The following CSGALNACT1 variants were observed in gnomAD, a reference collection of about 807,000 sequenced individuals.
CSGALNACT1 encodes the protein chondroitin sulfate N-acetylgalactosaminyltransferase 1.
A neutral mutation model predicts 51.0 loss-of-function variants in CSGALNACT1; 52 were observed. That is an observed-to-expected ratio of 1.02 (90% CI 0.82 to 1.29). CSGALNACT1 has a LOEUF of 1.29. Among genes scored for constraint, CSGALNACT1 ranks in the 50% most tolerant of loss-of-function variants. The pLI is 0.00. For synonymous variants in CSGALNACT1, 341 were observed against 254.4 expected, an observed-to-expected ratio of 1.34 and a Z score of -3.24; for missense variants, 935 against 679.2, an observed-to-expected ratio of 1.38 and a Z score of -4.19.
At chr8:19,685,483 C>T (rs75385387), upstream of CSGALNACT1, among the ~76,000 whole-genome samples, 20,976 of 151,974 alleles carry the variant, frequency 0.14, 1,759 homozygotes, top group East Asian at 0.41. Context: ...AAGACCCTGC[C>T]CCAAAAACAA....
chr8:19,593,160 T>C lies in CSGALNACT1; in HGVS notation c.-415-1882A>G, dbSNP rs115918199. Reference sequence around the variant, plus strand: ...TGCACCACAGCTAAAGAATGTACGATATGTATCAGAAATACGTGGGCTTAA... The same window carrying C: ...TGCACCACAGCTAAAGAATGTACGACATGTATCAGAAATACGTGGGCTTAA... On this transcript the variant is annotated intron_variant, in intron 2 of 9. Transcript: ENST00000454498. Among the ~76,000 whole-genome samples, 472 of 152,332 alleles carry C rather than the reference T, an allele frequency of 3.1e-3. 2 individuals are homozygous for C. Among genetic ancestry groups the C allele is most frequent in the African/African-American group, 0.011 (455 of 41,576 alleles).
At chr8:19,440,057 G>A (rs569898148) in intron 5 of CSGALNACT1, 126 bp from the exon 5 acceptor site, 46 of 767,254 alleles carry the variant, frequency 6.0e-5, no homozygotes, top group East Asian at 5.8e-4. Flanking sequence ...CAGGAGAGCC[G>A]AGATGGGAAT....
intron 5 of CSGALNACT1, 30 bp from the exon 5 acceptor site, chr8:19,439,961 A>T: frequency 6.4e-7 from 1 of 1,558,110 alleles, no homozygotes; most frequent in Non-Finnish European, 8.9e-7. Flanking sequence ...CATGTCTGGC[A>T]CCTGTTTTCA....
At chr8:19,667,044 A>AAGGAAGGAAGG (rs1564386999) in intron 1 of CSGALNACT1, among the ~76,000 whole-genome samples, 74 of 56,972 alleles carry the variant, frequency 1.3e-3, no homozygotes, top group South Asian at 3.7e-3. Flanking sequence ...AGGAAGGAAG[A>AAGGAAGGAAGG]AAGAAAGAAA....
At position 19,660,446 on chromosome 8, in the gene CSGALNACT1, G is replaced by A. The variant is rs957105741; in HGVS notation, c.-544+22027C>T. ...AGTGGCAGAAATAAGACTCAACCCT[G>A]TAACCTCTCTGTAACACTATGGTGC... On this transcript the variant is annotated intron_variant, in intron 1 of 9. Transcript: ENST00000332246. 2.0e-5 allele frequency among the ~76,000 whole-genome samples: 3 copies of A among 152,142 alleles called. No individual in the cohort carries two copies. In the South Asian group the frequency reaches 6.2e-4, roughly 32 times the overall value.
rs555520921 is a variant in CSGALNACT1, at chr8:19,475,649, G to A, written c.635-17007C>T. Among the ~76,000 whole-genome samples, 8 of 152,266 alleles carry A rather than the reference G, an allele frequency of 5.3e-5. No individual in the cohort carries two copies. The South Asian group carries it at 1.7e-3, about 32-fold the overall frequency. On this transcript the variant is annotated intron_variant, in intron 4 of 9. Transcript: ENST00000454498. ...TAAGTAAAAAGTGGTTTCCTTTGAG[G>A]TGAAAAGCACACAAGCAAACAACTT... is the stretch of plus-strand genomic sequence containing the variant.
exon 10 of CSGALNACT1, chr8:19,404,430 A>G (rs1468286816): frequency 2.4e-5 from 11 of 453,178 alleles, no homozygotes; most frequent in Non-Finnish European, 4.4e-5. Flanking sequence ...AACTGTATTT[A>G]TTTTTAAAAA....
intron 1 of CSGALNACT1, among the ~76,000 whole-genome samples, chr8:19,735,634 G>A (rs1377232592): frequency 3.3e-5 from 5 of 152,008 alleles, no homozygotes; most frequent in Non-Finnish European, 7.4e-5. Flanking sequence ...AGACTATGAA[G>A]AACTATCAGA....
chr8:19,757,886 A>C lies in CSGALNACT1; in HGVS notation c.-333T>G, dbSNP rs2065490500. ...GGAACCCCTGTAACTCTCACACCGC[A>C]CCACTGTGGGTAAGCGATGTCTGCA... On this transcript the variant is annotated 5_prime_UTR_variant, in exon 1 of 2. Transcript: ENST00000517494. This position sits in a 1 kb window ranked among gnomAD's most constrained non-coding sequence, Gnocchi z 4.0. 6.6e-6 allele frequency: 1 copy of C among 152,374 alleles called. No homozygotes were observed. Among genetic ancestry groups the C allele is most frequent in the African/African-American group, 2.4e-5 (1 of 41,394 alleles). The allele number at this position is 152,374 out of a possible 1,614,324, so 9.4% of individuals were successfully genotyped here.
intron 1 of CSGALNACT1, among the ~76,000 whole-genome samples, chr8:19,640,078 T>C (rs1265115763): frequency 2.6e-5 from 4 of 151,944 alleles, no homozygotes; most frequent in Non-Finnish European, 5.9e-5. Flanking sequence ...CACCTGCTGA[T>C]GAGACCTTTC....
At chr8:19,418,219 A>G (rs2057268649) in intron 8 of CSGALNACT1, among the ~76,000 whole-genome samples, 1 of 152,180 alleles carries the variant, frequency 6.6e-6, no homozygotes, top group Non-Finnish European at 1.5e-5. Context: ...TCAAATTCAC[A>G]AAGACCTTAT....
chr8:19,476,813 A>G (rs2069794701), intron 4 of CSGALNACT1, among the ~76,000 whole-genome samples: 4 of 152,186 alleles, frequency 2.6e-5, no homozygotes, highest in Admixed American at 2.6e-4. Context: ...TGCTCATGTC[A>G]CAGCAGTCCA....
chr8:19,437,978 T>C (rs947896610), intron 6 of CSGALNACT1, among the ~76,000 whole-genome samples: 1 of 152,236 alleles, frequency 6.6e-6, no homozygotes, highest in Non-Finnish European at 1.5e-5. Flanking sequence ...GATAAAGGTA[T>C]AGCCTTAAGC....
chr8:19,518,667 T>C (rs2080029149), intron 3 of CSGALNACT1, among the ~76,000 whole-genome samples: 1 of 152,132 alleles, frequency 6.6e-6, no homozygotes, highest in Non-Finnish European at 1.5e-5. Context: ...GCTCCTAAAC[T>C]CCTCATGTGT....
At chr8:19,454,807 C>G (rs1289549558) in intron 5 of CSGALNACT1, among the ~76,000 whole-genome samples, 3 of 151,856 alleles carry the variant, frequency 2.0e-5, no homozygotes, top group Non-Finnish European at 4.4e-5. Context: ...AAAAATATTT[C>G]CAACCACTTT....
At chr8:19,418,996 G>A (rs1202512000) in intron 7 of CSGALNACT1, among the ~76,000 whole-genome samples, 21 of 151,994 alleles carry the variant, frequency 1.4e-4, no homozygotes, top group Admixed American at 1.2e-3. Flanking sequence ...ACAGGTGCCC[G>A]CCACCACACC....
At chr8:19,749,815 C>T (rs1291638871) in intron 1 of CSGALNACT1, among the ~76,000 whole-genome samples, 1 of 152,146 alleles carries the variant, frequency 6.6e-6, no homozygotes, top group Admixed American at 6.5e-5. Flanking sequence ...GTAGTTATTG[C>T]CAGACAACTA....
At chr8:19,737,393 C>A (rs1445715368) in intron 1 of CSGALNACT1, among the ~76,000 whole-genome samples, 13 of 152,020 alleles carry the variant, frequency 8.6e-5, no homozygotes, top group Admixed American at 8.5e-4. Flanking sequence ...TGTCAATTTA[C>A]AAGATAGATA....
intron 3 of CSGALNACT1, among the ~76,000 whole-genome samples, chr8:19,540,331 T>C: frequency 6.6e-6 from 1 of 152,172 alleles, no homozygotes; most frequent in Non-Finnish European, 1.5e-5. Context: ...AAAACAGTAT[T>C]TATTCTTTAG....
Sources: gnomAD v4.1 joint callset for allele counts (sites outside exome capture counted in the v4.1 genomes callset) on GRCh38, gnomAD v4.1.1 for gene constraint, Gnocchi (gnomAD v3.1) non-coding constraint, MANE v1.5 for transcripts, NCBI Gene and HGNC (gene_info 2026-07-23, HGNC 2026-07-21) for gene names.